The following OTUB1 variants were observed in gnomAD, a reference collection of about 807,000 sequenced individuals.
The protein encoded by OTUB1 is ubiquitin thioesterase OTUB1.
OTUB1 carries 10 observed loss-of-function variants against 35.8 expected under a neutral mutation model. The ratio of observed to expected loss-of-function variants is 0.28; its 90% confidence interval spans 0.17 to 0.47. OTUB1 has a LOEUF of 0.47. Among genes scored for constraint, OTUB1 ranks in the 20% least tolerant of loss-of-function variants. The pLI, the probability that OTUB1 is intolerant of heterozygous loss-of-function variation, is 0.99. For synonymous variants in OTUB1, 158 were observed against 143.8 expected (o/e 1.10, Z -0.71); for missense variants, 264 against 351.6 (o/e 0.75, Z 1.99).
chr11:63,995,516 CG>C (rs1942708862), intron 3 of OTUB1, among the ~76,000 whole-genome samples: 2 of 151,628 alleles, frequency 1.3e-5, no homozygotes, highest in South Asian at 2.1e-4. Flanking sequence ...TTTAGAGAGA[CG>C]GGGGTCTCAC....
chr11:63,989,354 T>A (rs1942649566), intron 3 of OTUB1: 1 of 151,756 alleles, frequency 6.6e-6, no homozygotes, highest in African/African-American at 2.4e-5. Flanking sequence ...ATCTAGACTC[T>A]GCTACTCAGC....
intron 3 of OTUB1, among the ~76,000 whole-genome samples, chr11:63,994,965 T>A (rs1216210064): frequency 6.6e-6 from 1 of 152,130 alleles, no homozygotes; most frequent in Non-Finnish European, 1.5e-5. Flanking sequence ...AGTAGCTGAA[T>A]GTGTATATGC....
chr11:63,988,797 G>A (rs1163285935), intron 3 of OTUB1, 45 bp downstream of exon 3: 1 of 1,252,122 alleles, frequency 8.0e-7, no homozygotes, highest in Admixed American at 1.7e-5. Flanking sequence ...TGGGGGTGGG[G>A]CAGGAGGGTG....
chr11:63,991,994 G>A (rs2134307885), intron 3 of OTUB1, among the ~76,000 whole-genome samples: 1 of 152,276 alleles, frequency 6.6e-6, no homozygotes, highest in East Asian at 1.9e-4. Context: ...GAGGCAGGTG[G>A]ATCACCTGAG....
intron 3 of OTUB1, among the ~76,000 whole-genome samples, chr11:63,996,254 T>C (rs954466258): frequency 6.6e-6 from 1 of 152,178 alleles, no homozygotes; most frequent in Admixed American, 6.5e-5. Flanking sequence ...ACTCACCTGT[T>C]GTTGTACAGT....
chr11:63,997,084 C>T lies in OTUB1; in HGVS notation c.458C>T (p.Thr153Ile). ...CTGATTGAGCAGGTGGAGAAGCAGA[C>T]CTCTGTCGCCGACCTGCTGGCCTCC... ...MDLIEQVEKQ[T>I]SVADLLASFN... Residue 153 changes from threonine to isoleucine, a missense_variant, in exon 6 of 7, where the codon ACC (threonine) becomes ATC (isoleucine). This residue lies in a region of OTUB1 where 214 missense variants were observed against 317.1 expected (regional missense o/e 0.67). Transcript: ENST00000538426. 1 of 1,614,188 alleles carries T rather than the reference C, an allele frequency of 6.2e-7. No homozygotes were observed. Among genetic ancestry groups the T allele is most frequent in the Non-Finnish European group, 8.5e-7 (1 of 1,180,030 alleles).
chr11:63,991,148 G>T (rs1565185036), intron 3 of OTUB1, among the ~76,000 whole-genome samples: 1 of 152,156 alleles, frequency 6.6e-6, no homozygotes, highest in Admixed American at 6.5e-5. Context: ...ACTTTGAGCT[G>T]TGTGATCTCG....
At chr11:63,997,274 CG>C in intron 6 of OTUB1, 30 bp downstream of exon 6, 2 of 1,610,910 alleles carry the variant, frequency 1.2e-6, no homozygotes, top group Non-Finnish European at 8.5e-7. Context: ...TACTCTCGGC[CG>C]GGGGAGTGCA....
intron 3 of OTUB1, among the ~76,000 whole-genome samples, chr11:63,995,376 A>G (rs1271221311): frequency 6.6e-6 from 1 of 152,142 alleles, no homozygotes; most frequent in Non-Finnish European, 1.5e-5. Context: ...TTATATTTTC[A>G]GTAGAGATGG....
intron 3 of OTUB1, chr11:63,989,723 C>T (rs1942653191): frequency 8.4e-6 from 1 of 118,912 alleles, no homozygotes; most frequent in Non-Finnish European, 1.7e-5. Context: ...AAGACTCCGT[C>T]TCAAAAAAAA....
At position 63,997,256 on chromosome 11, in the gene OTUB1, C is replaced by T. The variant is rs1942729938; in HGVS notation, c.618+12C>T. The T allele has an allele frequency of 2.5e-6, 4 of 1,611,978 alleles. No individual in the cohort carries two copies. The highest frequency in any genetic ancestry group is 1.3e-5 in the African/African-American group (1 of 75,012). On this transcript the variant is annotated intron_variant, in intron 6 of 6. Coordinates refer to ENST00000538426, the MANE Select transcript of OTUB1 (RefSeq NM_017670.3). The stretch of plus-strand genomic sequence containing the variant: ...AGTTCTGCCAGCAGGTGCCGTCCCC[C>T]TCCCCTTTACTCTCGGCCGGGGGAG...
At chr11:63,992,393 TGAGGCCAGCATG>T (rs1942680589) in intron 3 of OTUB1, among the ~76,000 whole-genome samples, 1 of 124,924 alleles carries the variant, frequency 8.0e-6, no homozygotes, top group South Asian at 2.7e-4. Flanking sequence ...CTGGATGGTT[TGAGGCCAGCATG>T]GAGGCCAGTG....
At chr11:63,993,053 C>T (rs193221383) in intron 3 of OTUB1, among the ~76,000 whole-genome samples, 9 of 152,198 alleles carry the variant, frequency 5.9e-5, no homozygotes, top group Admixed American at 5.9e-4. Flanking sequence ...AGGGACACTG[C>T]CAGGAGACTT....
chr11:63,996,802 C>T lies in OTUB1; in HGVS notation c.339-55C>T, dbSNP rs572995475. The T allele has an allele frequency of 2.5e-4, 405 of 1,611,536 alleles. 3 individuals carry two copies. Among genetic ancestry groups the T allele is most frequent in the Middle Eastern group, 8.3e-4 (5 of 6,056 alleles). On this transcript the variant is annotated intron_variant, in intron 4 of 6. Coordinates refer to ENST00000538426, the MANE Select transcript of OTUB1 (RefSeq NM_017670.3). Reference sequence around the variant, plus strand: ...CGGGGCAGTGCTGTCTCGGCCCTGGCGTCTGGGCTGGTCGAGGAGCCCATG... The same window carrying T: ...CGGGGCAGTGCTGTCTCGGCCCTGGTGTCTGGGCTGGTCGAGGAGCCCATG...
chr11:63,993,661 CAAA>C (rs71039699), intron 3 of OTUB1, among the ~76,000 whole-genome samples: 1 of 106,862 alleles, frequency 9.4e-6, no homozygotes. Flanking sequence ...GAGACTGTCT[CAAA>C]AAAAAAAAAA....
In OTUB1 at chr11:63,997,695, G is replaced by A; in HGVS notation, c.*149G>A. The A allele has an allele frequency of 1.4e-6, 1 of 737,138 alleles. No homozygotes were observed. Among genetic ancestry groups the A allele is most frequent in the Non-Finnish European group, 2.4e-6 (1 of 416,466 alleles). 45.7% of individuals were successfully genotyped at this position (737,138 alleles called of 1,614,324 possible). On this transcript the variant is annotated 3_prime_UTR_variant, in exon 7 of 7. Transcript: ENST00000538426. Reference sequence around the variant, plus strand: ...CCCATGTTTTATTAAAGGGGGTGCTGGTGGTGAGCCGTGTGTGCGTGTCCC... The same window carrying A: ...CCCATGTTTTATTAAAGGGGGTGCTAGTGGTGAGCCGTGTGTGCGTGTCCC...
At chr11:63,997,017 G>A (rs770268269) in intron 5 of OTUB1, 33 bp from the exon 6 acceptor site, 36 of 1,611,850 alleles carry the variant, frequency 2.2e-5, no homozygotes, top group Non-Finnish European at 3.1e-5. Context: ...TCTCCTCCCC[G>A]TCATCTTGCC....
chr11:63,988,884 T>A, intron 3 of OTUB1, 132 bp downstream of exon 3: 1 of 647,808 alleles, frequency 1.5e-6, no homozygotes, highest in Non-Finnish European at 2.8e-6. Flanking sequence ...CGTTGCTGGT[T>A]CTTGAAGTGC....
At chr11:63,988,435 G>GC in intron 2 of OTUB1, 37 bp downstream of exon 2, 1 of 1,540,988 alleles carries the variant, frequency 6.5e-7, no homozygotes. Context: ...GCAGTGGCCA[G>GC]CAGCCCCATT....
Sources: gnomAD v4.1 joint callset for allele counts (sites outside exome capture counted in the v4.1 genomes callset) on GRCh38, gnomAD v4.1.1 for gene constraint, gnomAD v4.1.1 regional missense constraint, MANE v1.5 for transcripts, NCBI Gene and HGNC (gene_info 2026-07-23, HGNC 2026-07-21) for gene names.